Variants in PRCP observed in about 807,000 individuals in gnomAD.
PRCP encodes lysosomal Pro-X carboxypeptidase.
PRCP carries 46 observed loss-of-function variants against 54.2 expected under a neutral mutation model. The observed-to-expected ratio is 0.85, with a 90% confidence interval of 0.67 to 1.09. The LOEUF (loss-of-function observed/expected upper bound fraction) is 1.09. Ranked by LOEUF, PRCP falls within the 50% of genes least tolerant of loss-of-function variation. The pLI, the probability that PRCP is intolerant of heterozygous loss-of-function variation, is 0.00. For synonymous variants in PRCP, 240 were observed against 212.2 expected, an observed-to-expected ratio of 1.13 and a Z score of -1.14; for missense variants, 613 against 596.8, an observed-to-expected ratio of 1.03 and a Z score of -0.28.
At chr11:82,884,777 T>A in intron 1 of PRCP, 1 of 1,609,002 alleles carries the variant, frequency 6.2e-7, no homozygotes, top group African/African-American at 1.3e-5. Context: ...AGTTCATGGC[T>A]TTCAGCTTGT....
At position 82,865,313 on chromosome 11, in the gene PRCP, A is replaced by T. The variant is rs149325464; in HGVS notation, c.169-5196T>A. 5.0e-4 allele frequency among the ~76,000 whole-genome samples: 76 copies of T among 152,322 alleles called. 1 individual carries two copies. The highest frequency in any genetic ancestry group is 1.8e-3 in the African/African-American group (74 of 41,574). ...TAAACTTCAACCCTCGGTAGGCGACACTTAAGAGTGAGTATCTTTCTCCTA... is the reference window on the plus strand; with the variant it reads ...TAAACTTCAACCCTCGGTAGGCGACTCTTAAGAGTGAGTATCTTTCTCCTA... On this transcript the variant is annotated intron_variant, in intron 1 of 8. Transcript: ENST00000313010.
At chr11:82,871,447 G>A (rs1859482464) in intron 1 of PRCP, among the ~76,000 whole-genome samples, 1 of 152,108 alleles carries the variant, frequency 6.6e-6, no homozygotes, top group Non-Finnish European at 1.5e-5. Context: ...CCAAAGTGCT[G>A]GGATTATAGG....
At chr11:82,876,293 G>T (rs1295480875) in intron 1 of PRCP, among the ~76,000 whole-genome samples, 1 of 152,174 alleles carries the variant, frequency 6.6e-6, no homozygotes, top group East Asian at 1.9e-4. Context: ...TCCTTACAAG[G>T]TTGCAAGGAT....
At chr11:82,848,958 C>G (rs1045841503) in intron 6 of PRCP, 91 bp downstream of exon 6, 1 of 1,339,006 alleles carries the variant, frequency 7.5e-7, no homozygotes, top group Admixed American at 2.2e-5. Flanking sequence ...CCCTTTGTCA[C>G]TGGGACTTTC....
At chr11:82,838,252 C>T (rs1858571596) in intron 8 of PRCP, 135 bp downstream of exon 8, 2 of 755,288 alleles carry the variant, frequency 2.6e-6, no homozygotes, top group Non-Finnish European at 4.0e-6. Context: ...TCTTTCAAGG[C>T]ATAGGAAAAC....
intron 6 of PRCP, among the ~76,000 whole-genome samples, chr11:82,845,396 A>G (rs193274561): frequency 3.3e-5 from 5 of 149,442 alleles, no homozygotes; most frequent in African/African-American, 7.4e-5. Context: ...ATGTTGGGGG[A>G]AAAAAAAAAG....
At chr11:82,891,475 C>T (rs906848177) in intron 1 of PRCP, among the ~76,000 whole-genome samples, 1 of 152,180 alleles carries the variant, frequency 6.6e-6, no homozygotes, top group Non-Finnish European at 1.5e-5. Flanking sequence ...CATTCTTCTA[C>T]CCCTAAAGCT....
chr11:82,884,966 T>C, intron 1 of PRCP: 1 of 1,567,174 alleles, frequency 6.4e-7, no homozygotes. Flanking sequence ...TCAAACAATA[T>C]ATGCCATCAG....
intron 1 of PRCP, chr11:82,900,031 A>G (rs1860224175): frequency 3.1e-6 from 2 of 636,586 alleles, no homozygotes; most frequent in South Asian, 2.0e-5. Context: ...AGCCAAAACT[A>G]CTACCAAATT....
chr11:82,871,126 T>C (rs1273556562), intron 1 of PRCP, among the ~76,000 whole-genome samples: 1 of 151,932 alleles, frequency 6.6e-6, no homozygotes, highest in Non-Finnish European at 1.5e-5. Flanking sequence ...AAACATAAGA[T>C]GATGTGTTAC....
At chr11:82,835,514 C>T (rs746309954) in intron 8 of PRCP, 8 of 256,198 alleles carry the variant, frequency 3.1e-5, no homozygotes, top group Middle Eastern at 1.4e-3. Flanking sequence ...CAGCCACGTC[C>T]GGGGATGAGA....
At chr11:82,829,746 G>T (rs1591033675) in intron 8 of PRCP, 1 of 152,298 alleles carries the variant, frequency 6.6e-6, no homozygotes, top group Non-Finnish European at 1.5e-5. Context: ...GCTTAGAAAA[G>T]GAGGCCCAAA....
In PRCP at chr11:82,849,846, C is replaced by CA. The variant is rs1858902117; in HGVS notation, c.751+67dup. On this transcript the variant is annotated intron_variant, in intron 5 of 8. Transcript: ENST00000313010. ...AACAAAATGTTTACTTAAAAAGCGA[C>CA]AACTACTGAATTTAACAAATGAAAG... 9 of 1,267,600 alleles carry CA rather than the reference C, an allele frequency of 7.1e-6. No homozygotes were observed. The South Asian group carries it at 2.4e-4, about 34-fold the overall frequency. 78.5% of individuals were successfully genotyped at this position (1,267,600 alleles called of 1,614,324 possible).
intron 1 of PRCP, among the ~76,000 whole-genome samples, chr11:82,894,423 C>A (rs1032514374): frequency 1.3e-5 from 2 of 152,290 alleles, no homozygotes; most frequent in South Asian, 4.1e-4. Flanking sequence ...TGGCAAAAAA[C>A]AAAACTTGTA....
At chr11:82,888,827 A>G (rs548184582) in intron 1 of PRCP, among the ~76,000 whole-genome samples, 18 of 152,184 alleles carry the variant, frequency 1.2e-4, no homozygotes, top group Non-Finnish European at 2.1e-4. Context: ...TGTGTAGAAA[A>G]ATGGGAGAGA....
At chr11:82,897,285 T>TA (rs1384040185) in intron 1 of PRCP, among the ~76,000 whole-genome samples, 1 of 152,180 alleles carries the variant, frequency 6.6e-6, no homozygotes, top group African/African-American at 2.4e-5. Context: ...AAGTAAAAGA[T>TA]AAAAAGAAAA....
intron 1 of PRCP, among the ~76,000 whole-genome samples, chr11:82,894,851 A>T (rs776826760): frequency 7.2e-5 from 11 of 152,232 alleles, no homozygotes; most frequent in Non-Finnish European, 1.6e-4. Flanking sequence ...CTAAAAGGGT[A>T]AATTCATTAC....
At chr11:82,884,783 C>T in intron 1 of PRCP, 1 of 1,608,690 alleles carries the variant, frequency 6.2e-7, no homozygotes, top group Non-Finnish European at 8.5e-7. Flanking sequence ...TGGCTTTCAG[C>T]TTGTTTTCTC....
intron 8 of PRCP, chr11:82,836,555 T>G (rs1321014702): frequency 6.5e-6 from 1 of 153,048 alleles, no homozygotes; most frequent in Non-Finnish European, 1.5e-5. Flanking sequence ...AGTTTTTGTT[T>G]GTTTGTTTTT....
Sources: gnomAD v4.1 joint callset for allele counts (sites outside exome capture counted in the v4.1 genomes callset) on GRCh38, gnomAD v4.1.1 for gene constraint, MANE v1.5 for transcripts, NCBI Gene and HGNC (gene_info 2026-07-23, HGNC 2026-07-21) for gene names.